BAALC: variants seen among roughly 807,000 people sequenced by gnomAD.
BAALC encodes the protein BAALC binder of MAP3K1 and KLF4.
A neutral mutation model predicts 15.5 loss-of-function variants in BAALC; 9 were observed. The ratio of observed to expected loss-of-function variants is 0.58; its 90% confidence interval spans 0.35 to 1.02. The LOEUF (loss-of-function observed/expected upper bound fraction) is 1.02, where lower values mean the gene tolerates loss of function less well. Among genes scored for constraint, BAALC ranks in the 50% least tolerant of loss-of-function variants. The pLI is 0.02. For synonymous variants in BAALC, 80 were observed against 74.6 expected (o/e 1.07, Z -0.37); for missense variants, 201 against 192.4 (o/e 1.04, Z -0.27).
intron 1 of BAALC, among the ~76,000 whole-genome samples, chr8:103,151,628 CT>C (rs1440902877): frequency 6.6e-6 from 1 of 152,136 alleles, no homozygotes; most frequent in Non-Finnish European, 1.5e-5. Context: ...ATGATTGCCC[CT>C]ATAAGCAATT....
At chr8:103,144,888 T>C (rs528858050) in intron 1 of BAALC, among the ~76,000 whole-genome samples, 1 of 152,210 alleles carries the variant, frequency 6.6e-6, no homozygotes, top group African/African-American at 2.4e-5. Flanking sequence ...TGGTGCTTTA[T>C]TGGGCACTTT....
At chr8:103,176,276 T>C (rs953679989) in intron 1 of BAALC, among the ~76,000 whole-genome samples, 2 of 152,170 alleles carry the variant, frequency 1.3e-5, no homozygotes, top group African/African-American at 4.8e-5. Flanking sequence ...AAAGCACTGT[T>C]AAATTAATTC....
At chr8:103,163,604 G>A (rs1278787335) in intron 1 of BAALC, among the ~76,000 whole-genome samples, 1 of 152,132 alleles carries the variant, frequency 6.6e-6, no homozygotes, top group East Asian at 1.9e-4. Flanking sequence ...AACTTCTACA[G>A]TCTGTCTCTG....
chr8:103,224,053 CCTT>C (rs1812741171), intron 2 of BAALC, among the ~76,000 whole-genome samples: 1 of 152,146 alleles, frequency 6.6e-6, no homozygotes, highest in African/African-American at 2.4e-5. Flanking sequence ...AGAATCACTG[CCTT>C]CTTTTCCTTC....
intron 1 of BAALC, among the ~76,000 whole-genome samples, chr8:103,187,573 G>A (rs1032469): frequency 0.16 from 25,015 of 152,102 alleles, 2,647 homozygotes; most frequent in African/African-American, 0.3. Flanking sequence ...GTGGCCCCCA[G>A]GTAGTGTTGC....
intron 1 of BAALC, among the ~76,000 whole-genome samples, chr8:103,192,496 T>G (rs546090429): frequency 6.6e-6 from 1 of 152,230 alleles, no homozygotes; most frequent in Non-Finnish European, 1.5e-5. Context: ...TCCTTATTAA[T>G]TCACCATTGT....
intron 1 of BAALC, among the ~76,000 whole-genome samples, chr8:103,175,649 T>A (rs1363852253): frequency 6.6e-6 from 1 of 152,228 alleles, no homozygotes; most frequent in African/African-American, 2.4e-5. Flanking sequence ...GAATTAAGAA[T>A]AACTCCACTG....
intron 1 of BAALC, among the ~76,000 whole-genome samples, chr8:103,167,917 A>T (rs1811385404): frequency 6.6e-6 from 1 of 152,224 alleles, no homozygotes; most frequent in Non-Finnish European, 1.5e-5. Flanking sequence ...TTTTTAGCAC[A>T]GATGCCAATA....
chr8:103,218,518 T>C (rs1418725244), intron 2 of BAALC, among the ~76,000 whole-genome samples: 1 of 152,128 alleles, frequency 6.6e-6, no homozygotes, highest in Non-Finnish European at 1.5e-5. Flanking sequence ...ATTTACTCTC[T>C]AACCTGAATG....
At chr8:103,172,932 G>A (rs1388628933) in intron 1 of BAALC, among the ~76,000 whole-genome samples, 1 of 152,188 alleles carries the variant, frequency 6.6e-6, no homozygotes, top group Non-Finnish European at 1.5e-5. Context: ...TTACAAAGGA[G>A]AGAGGTGCAA....
chr8:103,172,378 C>CT (rs1193028197), intron 1 of BAALC, among the ~76,000 whole-genome samples: 4 of 139,680 alleles, frequency 2.9e-5, no homozygotes, highest in Non-Finnish European at 6.1e-5. Flanking sequence ...AGACTGAATT[C>CT]TATTCTGGCT....
chr8:103,142,053 T>C lies in BAALC; in HGVS notation c.160+996T>C, dbSNP rs145417167. Among the ~76,000 whole-genome samples the C allele has an allele frequency of 2.0e-3, 305 of 152,360 alleles. 7 individuals carry two copies. In the East Asian group the frequency reaches 0.053, roughly 27 times the overall value. On this transcript the variant is annotated intron_variant, in intron 1 of 2. Transcript: ENST00000309982. ...AGGTCAATATTTGGATAAAAATGTT[T>C]TAAGTGTTTCTTCACCCACTGATAT... is the stretch of plus-strand genomic sequence containing the variant.
At chr8:103,159,974 T>C (rs1480305905) in intron 1 of BAALC, among the ~76,000 whole-genome samples, 1 of 152,196 alleles carries the variant, frequency 6.6e-6, no homozygotes, top group Non-Finnish European at 1.5e-5. Context: ...TATGTGTTTG[T>C]ATTGATATTA....
chr8:103,204,093 C>CT (rs951183721), intron 1 of BAALC, among the ~76,000 whole-genome samples: 7 of 151,940 alleles, frequency 4.6e-5, no homozygotes, highest in East Asian at 1.9e-4. Flanking sequence ...TATTCTGTAT[C>CT]TTTTTTTTAT....
chr8:103,215,156 C>T (rs990375967), intron 2 of BAALC, among the ~76,000 whole-genome samples: 1 of 152,082 alleles, frequency 6.6e-6, no homozygotes, highest in Non-Finnish European at 1.5e-5. Context: ...CATTTCCTGC[C>T]CCCCCATCCA....
chr8:103,162,891 G>T, intron 1 of BAALC, among the ~76,000 whole-genome samples: 1 of 152,144 alleles, frequency 6.6e-6, no homozygotes, highest in East Asian at 1.9e-4. Context: ...AACCTTTTGA[G>T]CATTAGCATA....
At chr8:103,171,770 G>C (rs1811499996) in intron 1 of BAALC, among the ~76,000 whole-genome samples, 2 of 152,180 alleles carry the variant, frequency 1.3e-5, no homozygotes, top group Non-Finnish European at 2.9e-5. Context: ...CTTTGCATCT[G>C]TTTACCTCTC....
chr8:103,200,149 G>GAT (rs1471524427), intron 1 of BAALC, among the ~76,000 whole-genome samples: 1 of 152,076 alleles, frequency 6.6e-6, no homozygotes, highest in African/African-American at 2.4e-5. Flanking sequence ...AATACAATGA[G>GAT]ATACCATCTA....
intron 1 of BAALC, among the ~76,000 whole-genome samples, chr8:103,180,066 C>T (rs1328649617): frequency 2.0e-5 from 3 of 152,064 alleles, no homozygotes; most frequent in African/African-American, 7.2e-5. Context: ...GCCCAGAAGA[C>T]AATGATAAGC....
Sources: gnomAD v4.1 joint callset for allele counts (sites outside exome capture counted in the v4.1 genomes callset) on GRCh38, gnomAD v4.1.1 for gene constraint, MANE v1.5 for transcripts, NCBI Gene and HGNC (gene_info 2026-07-23, HGNC 2026-07-21) for gene names.